The following FBXL4 variants were observed in gnomAD, a reference collection of about 807,000 sequenced individuals.
FBXL4 encodes the protein F-box and leucine rich repeat protein 4, also known as F-box/LRR-repeat protein 4.
Under a neutral mutation model 58.9 loss-of-function variants are expected in FBXL4, and 40 were observed. That is an observed-to-expected ratio of 0.68 (90% CI 0.53 to 0.88). The LOEUF is 0.88. FBXL4 is among the 40% of genes least tolerant of loss of function. The probability of loss-of-function intolerance (pLI) is 0.00; values close to 1 mark genes in which losing one functional copy is unlikely to be tolerated. For synonymous variants in FBXL4, 263 were observed against 265.5 expected (o/e 0.99, Z 0.09); for missense variants, 676 against 734.4 (o/e 0.92, Z 0.92).
At position 98,883,099 on chromosome 6, in the gene FBXL4, G is replaced by A. The variant is rs1582371576; in HGVS notation, c.1318-2475C>T. ...GGTCCCCACATCTTTACCAACATAC[G>A]TAGACTTTTCATCCTTTTTAATATC... On this transcript the variant is annotated intron_variant, in intron 7 of 9. Coordinates refer to ENST00000369244, the MANE Select transcript of FBXL4 (RefSeq NM_001278716.2). Among the ~76,000 whole-genome samples the A allele has an allele frequency of 2.6e-5, 4 of 151,908 alleles. 1 individual carries two copies. The South Asian group carries it at 8.3e-4, about 31-fold the overall frequency.
intron 4 of FBXL4, among the ~76,000 whole-genome samples, chr6:98,923,701 T>G (rs1772670494): frequency 6.6e-6 from 1 of 152,114 alleles, no homozygotes; most frequent in East Asian, 1.9e-4. Context: ...AAGAGCCATC[T>G]CTGTCTGACT....
chr6:98,903,735 A>G (rs1183871943), intron 6 of FBXL4, among the ~76,000 whole-genome samples: 1 of 152,118 alleles, frequency 6.6e-6, no homozygotes, highest in Non-Finnish European at 1.5e-5. Flanking sequence ...TTTACTCGTT[A>G]TTATCACAGT....
At position 98,914,619 on chromosome 6, in the gene FBXL4, C is replaced by T. The variant is rs564292443; in HGVS notation, c.858+2755G>A. ...AAAGGCCTTTGACAAAATTCAACAA[C>T]GCTTCATGCTAAAAACTCTCAATAA... On this transcript the variant is annotated intron_variant, in intron 5 of 9. Coordinates refer to ENST00000369244, the MANE Select transcript of FBXL4 (RefSeq NM_001278716.2). Among the ~76,000 whole-genome samples the T allele has an allele frequency of 4.3e-3, 648 of 152,224 alleles. 7 individuals are homozygous for T. The highest frequency in any genetic ancestry group is 0.015 in the African/African-American group (615 of 41,544).
chr6:98,916,820 A>T (rs982836027), intron 5 of FBXL4, among the ~76,000 whole-genome samples: 82 of 139,868 alleles, frequency 5.9e-4, no homozygotes, highest in African/African-American at 1.3e-3. Context: ...AAGTATAATT[A>T]AAAAAAAACT....
chr6:98,898,692 C>A, intron 7 of FBXL4: 1 of 984,832 alleles, frequency 1.0e-6, no homozygotes, highest in African/African-American at 1.7e-5. Flanking sequence ...AAATGTTGAT[C>A]ATTTGGAGAA....
At chr6:98,875,293 T>A (rs1325042803) in intron 9 of FBXL4, 122 bp downstream of exon 9, 4 of 831,434 alleles carry the variant, frequency 4.8e-6, no homozygotes, top group Non-Finnish European at 8.0e-6. Context: ...AACCAAGCCA[T>A]CTTATCAGGA....
At position 98,871,124 on chromosome 6, in the gene FBXL4, A is replaced by C. The variant is rs984013732; in HGVS notation, c.*3154T>G. 1 of 151,996 alleles carries C rather than the reference A, an allele frequency of 6.6e-6. No individual in the cohort carries two copies. Among genetic ancestry groups the C allele is most frequent in the Non-Finnish European group, 1.5e-5 (1 of 67,996 alleles). 9.4% of individuals were successfully genotyped at this position (151,996 alleles called of 1,614,324 possible). A position where few individuals can be genotyped will look rare whatever the true frequency, so the allele number is the denominator to read the frequency against. On this transcript the variant is annotated 3_prime_UTR_variant, in exon 10 of 10. Transcript: ENST00000369244. Reference sequence around the variant, plus strand: ...AACTCAAAAATGAAAATAAAGTTGCAGCCAAAGTGACTCAGATGTTAACCA... The same window carrying C: ...AACTCAAAAATGAAAATAAAGTTGCCGCCAAAGTGACTCAGATGTTAACCA...
intron 4 of FBXL4, among the ~76,000 whole-genome samples, chr6:98,918,851 C>G (rs1386323734): frequency 6.6e-6 from 1 of 152,046 alleles, no homozygotes; most frequent in Non-Finnish European, 1.5e-5. Flanking sequence ...TAAAAATAAT[C>G]TCTAGTTTCA....
Position 98,873,617 on chromosome 6 carries a change from C to T in FBXL4, c.*661G>A, listed in dbSNP as rs1186178509. On this transcript the variant is annotated 3_prime_UTR_variant, in exon 10 of 10. Transcript: ENST00000369244. ...AGAGAAAGGGACTTGCTATATTGCC[C>T]AGGTTGGAGTGCAGTGGCTGCTCAC... 2 of 152,020 alleles carry T rather than the reference C, an allele frequency of 1.3e-5. No individual in the cohort carries two copies. Among genetic ancestry groups the T allele is most frequent in the Admixed American group, 1.3e-4 (2 of 15,244 alleles). The allele number at this position is 152,020 out of a possible 1,614,324, so 9.4% of individuals were successfully genotyped here. A position where few individuals can be genotyped will look rare whatever the true frequency, so the allele number is the denominator to read the frequency against.
At chr6:98,880,404 A>C (rs534540387) in intron 8 of FBXL4, 149 bp downstream of exon 8, 187 of 619,518 alleles carry the variant, frequency 3.0e-4, no homozygotes, top group African/African-American at 2.4e-3. Context: ...ATTTAAGAAA[A>C]ATGTTTGAAA....
intron 4 of FBXL4, among the ~76,000 whole-genome samples, chr6:98,922,395 A>G (rs1446205030): frequency 6.6e-6 from 1 of 152,244 alleles, no homozygotes; most frequent in East Asian, 1.9e-4. Context: ...AAAGAAGTCA[A>G]TTTCCTGCAA....
chr6:98,919,442 T>C (rs1044847055), intron 4 of FBXL4, among the ~76,000 whole-genome samples: 3 of 152,068 alleles, frequency 2.0e-5, no homozygotes, highest in Non-Finnish European at 4.4e-5. Context: ...AAAGTAGCAA[T>C]GGATAAATTA....
At chr6:98,920,895 A>G (rs962090273) in intron 4 of FBXL4, among the ~76,000 whole-genome samples, 3 of 151,788 alleles carry the variant, frequency 2.0e-5, no homozygotes, top group African/African-American at 7.3e-5. Context: ...CTCTAGCCCC[A>G]GGGCAGTGTT....
chr6:98,938,041 C>CTTTTTTTTTTTTTTTT (rs71015480), intron 1 of FBXL4, among the ~76,000 whole-genome samples: 1 of 121,082 alleles, frequency 8.3e-6, no homozygotes. Flanking sequence ...CCCCTGCACC[C>CTTTTTTTTTTTTTTTT]TTTTTTTTTT....
chr6:98,945,020 T>C (rs1370627127), intron 1 of FBXL4, among the ~76,000 whole-genome samples: 1 of 152,230 alleles, frequency 6.6e-6, no homozygotes, highest in Non-Finnish European at 1.5e-5. Context: ...TGACAATTCT[T>C]GGCAATGTGA....
chr6:98,884,403 CT>C (rs1207948010), intron 7 of FBXL4, among the ~76,000 whole-genome samples: 1 of 152,034 alleles, frequency 6.6e-6, no homozygotes, highest in Admixed American at 6.5e-5. Flanking sequence ...TACCCTCAAT[CT>C]TTTTTTAAAA....
chr6:98,944,770 T>G (rs575145305), intron 1 of FBXL4, among the ~76,000 whole-genome samples: 1 of 152,194 alleles, frequency 6.6e-6, no homozygotes, highest in Non-Finnish European at 1.5e-5. Flanking sequence ...CAGCCCACTA[T>G]GAAAGATTCA....
At chr6:98,893,090 G>T (rs1771284146) in intron 7 of FBXL4, among the ~76,000 whole-genome samples, 1 of 151,962 alleles carries the variant, frequency 6.6e-6, no homozygotes, top group South Asian at 2.1e-4. Context: ...CCTGACTCCA[G>T]ATTTTTTTTT....
rs543981728 is a variant in FBXL4 at position 98,921,693 on chromosome 6, C to T, written c.513-3974G>A. Among the ~76,000 whole-genome samples the T allele has an allele frequency of 7.2e-5, 11 of 152,150 alleles. No individual in the cohort carries two copies. The South Asian group carries it at 1.9e-3, about 26-fold the overall frequency. ...CCAGGTCATGACAAATTTGTGAAAT[C>T]GTTACTTAAGCAACTGGATTTGGTA... is the stretch of plus-strand genomic sequence containing the variant. On this transcript the variant is annotated intron_variant, in intron 4 of 9. Transcript: ENST00000369244.
Sources: gnomAD v4.1 joint callset for allele counts (sites outside exome capture counted in the v4.1 genomes callset) on GRCh38, gnomAD v4.1.1 for gene constraint, MANE v1.5 for transcripts, NCBI Gene and HGNC (gene_info 2026-07-23, HGNC 2026-07-21) for gene names.